Variants in ELMOD3 observed in about 807,000 individuals in gnomAD.
ELMOD3 encodes ELMO domain containing 3.
A neutral mutation model predicts 47.4 loss-of-function variants in ELMOD3; 36 were observed. That is an observed-to-expected ratio of 0.76 (90% CI 0.58 to 1.00). The LOEUF (loss-of-function observed/expected upper bound fraction) is 1.00, where lower values mean the gene tolerates loss of function less well. Among genes scored for constraint, ELMOD3 ranks in the 50% least tolerant of loss-of-function variants. ELMOD3 has a pLI of 0.00. For synonymous variants in ELMOD3, 149 were observed against 183.5 expected, an observed-to-expected ratio of 0.81 and a Z score of 1.52; for missense variants, 404 against 463.8, an observed-to-expected ratio of 0.87 and a Z score of 1.18.
chr2:85,371,670 G>A (rs1684797758), intron 10 of ELMOD3, 108 bp downstream of exon 10: 4 of 1,497,892 alleles, frequency 2.7e-6, no homozygotes, highest in Middle Eastern at 1.8e-4. Flanking sequence ...GATCTTGGGG[G>A]AGTATTCCGG....
chr2:85,364,825 A>ATTTT lies in ELMOD3; in HGVS notation c.199+1679_199+1682dup, dbSNP rs869054374. Among the ~76,000 whole-genome samples the ATTTT allele has an allele frequency of 5.8e-3, 404 of 69,894 alleles. 7 individuals are homozygous for ATTTT. The highest frequency in any genetic ancestry group is 8.0e-3 in the Admixed American group (43 of 5,344). The allele number at this position is 69,894 out of a possible 152,430, so 45.9% of individuals were successfully genotyped here. A position where few individuals can be genotyped will look rare whatever the true frequency, so the allele number is the denominator to read the frequency against. ...AATACATATATATATATATATATAT[A>ATTTT]TTTTTTTTTTTTTTTTTTTTTTTCT... On this transcript the variant is annotated intron_variant, in intron 6 of 13. Coordinates refer to ENST00000409013, the MANE Select transcript of ELMOD3 (RefSeq NM_001135022.2).
Position 85,377,373 on chromosome 2 carries a change from G to A in ELMOD3, c.637G>A (p.Ala213Thr), listed in dbSNP as rs767340376. Residue 213 changes from alanine to threonine, a missense_variant, in exon 11 of 14, where the codon GCA becomes ACA. Ala to Thr is a moderately conservative substitution (Grantham distance 58). Transcript: ENST00000409013. ...GAATCCAGCCACAGACCTGAGAGGC[G>A]CAGGCTTCCTTGCCCTCCTGCATCT... ...GANPATDLRG[A>T]GFLALLHLLY... 3.8e-5 allele frequency: 61 copies of A among 1,607,788 alleles called. No individual in the cohort carries two copies. Among genetic ancestry groups the A allele is most frequent in the East Asian group, 6.8e-5 (3 of 44,334 alleles).
At chr2:85,384,274 G>C (rs927352914) in intron 11 of ELMOD3, among the ~76,000 whole-genome samples, 6 of 152,214 alleles carry the variant, frequency 3.9e-5, no homozygotes, top group South Asian at 2.1e-4. Context: ...TTTCACAATA[G>C]AAACTTCAGC....
In ELMOD3 at chr2:85,377,341, C is replaced by T. The variant is rs757800236; in HGVS notation, c.608-3C>T. 1.9e-6 allele frequency: 3 copies of T among 1,594,124 alleles called. No homozygotes were observed. Among genetic ancestry groups the T allele is most frequent in the Non-Finnish European group, 2.6e-6 (3 of 1,170,904 alleles). ...CCCTGTTTCCTCACGGTCTCTGTTACAGGAGCGAATCCAGCCACAGACCTG... is the reference window on the plus strand; with the variant it reads ...CCCTGTTTCCTCACGGTCTCTGTTATAGGAGCGAATCCAGCCACAGACCTG... On this transcript the variant is annotated splice_region_variant and splice_polypyrimidine_tract_variant and intron_variant, in intron 10 of 13. Transcript: ENST00000409013.
At chr2:85,389,966 C>A in intron 12 of ELMOD3, 139 bp downstream of exon 12, 1 of 1,054,960 alleles carries the variant, frequency 9.5e-7, no homozygotes, top group Non-Finnish European at 1.5e-6. Flanking sequence ...CCGGTCTCCC[C>A]AGGACATCCC....
chr2:85,385,388 A>G (rs1685855352), intron 11 of ELMOD3, among the ~76,000 whole-genome samples: 1 of 151,928 alleles, frequency 6.6e-6, no homozygotes, highest in South Asian at 2.1e-4. Context: ...GGGCCATTTT[A>G]TAGGATTTGG....
chr2:85,372,294 C>G (rs1219327559), intron 10 of ELMOD3: 1 of 152,052 alleles, frequency 6.6e-6, no homozygotes, highest in East Asian at 1.9e-4. Context: ...GAACAGAGAT[C>G]GCACTACTGC....
At chr2:85,378,938 AT>A (rs1488021480) in intron 11 of ELMOD3, among the ~76,000 whole-genome samples, 1 of 152,216 alleles carries the variant, frequency 6.6e-6, no homozygotes, top group African/African-American at 2.4e-5. Flanking sequence ...TGAAGAGAAA[AT>A]ACGGGGAGGA....
In ELMOD3 at chr2:85,376,722, A is replaced by G. The variant is rs116960859; in HGVS notation, c.608-622A>G. On this transcript the variant is annotated intron_variant, in intron 10 of 13. Coordinates refer to ENST00000409013, the MANE Select transcript of ELMOD3 (RefSeq NM_001135022.2). This position sits in a 1 kb window ranked among gnomAD's most constrained non-coding sequence, Gnocchi z 4.2. ...GGTGTTTTGCTGCAGTAGGGTGGGT[A>G]TTGGCTAAAGCCTTCTGTCTTGCTA... Among the ~76,000 whole-genome samples the G allele has an allele frequency of 8.9e-3, 1,355 of 152,180 alleles. 22 individuals are homozygous for G. The highest frequency in any genetic ancestry group is 0.061 in the East Asian group (317 of 5,166).
At chr2:85,369,641 A>C in intron 7 of ELMOD3, 98 bp from the exon 8 acceptor site, 1 of 1,260,276 alleles carries the variant, frequency 7.9e-7, no homozygotes, top group Admixed American at 2.0e-5. Flanking sequence ...ACTGGAAGCC[A>C]GTGCTTGGCT....
chr2:85,390,417 C>G lies in ELMOD3; in HGVS notation c.943+152C>G, dbSNP rs73945728. 4.2e-3 allele frequency: 6,765 copies of G among 1,614,158 alleles called. 211 individuals are homozygous for G. In the African/African-American group the frequency reaches 0.075, roughly 18 times the overall value. On this transcript the variant is annotated intron_variant, in intron 13 of 13. Transcript: ENST00000409013. ...TTACCAAAATCTCCATCACCCACCC[C>G]CTGGAGTCTGCTAGTTCTCCTTTCT...
chr2:85,373,068 A>C (rs1200645561), intron 10 of ELMOD3, among the ~76,000 whole-genome samples: 1 of 152,040 alleles, frequency 6.6e-6, no homozygotes, highest in East Asian at 1.9e-4. Flanking sequence ...CAGCCTGGCC[A>C]ACATGGCGAA....
intron 11 of ELMOD3, among the ~76,000 whole-genome samples, chr2:85,382,475 C>T (rs116554226): frequency 0.049 from 7,396 of 150,208 alleles, 227 homozygotes; most frequent in Non-Finnish European, 0.066. Context: ...CACGGTGTTC[C>T]TTTTAGACCC....
intron 6 of ELMOD3, among the ~76,000 whole-genome samples, chr2:85,364,823 ATATT>A (rs1350674306): frequency 6.9e-5 from 6 of 87,020 alleles, no homozygotes; most frequent in African/African-American, 3.5e-4. Flanking sequence ...ATATATATAT[ATATT>A]TTTTTTTTTT....
At chr2:85,366,045 G>A (rs1198741422) in intron 6 of ELMOD3, among the ~76,000 whole-genome samples, 3 of 151,180 alleles carry the variant, frequency 2.0e-5, no homozygotes, top group African/African-American at 4.9e-5. Flanking sequence ...TGCAACCTCC[G>A]CCTCCCGAGT....
At chr2:85,383,220 C>T (rs887552475) in intron 11 of ELMOD3, among the ~76,000 whole-genome samples, 21 of 151,740 alleles carry the variant, frequency 1.4e-4, no homozygotes, top group African/African-American at 4.8e-4. Flanking sequence ...CCTCCACCTC[C>T]CAGGTTCAAG....
chr2:85,384,790 A>T (rs1685819496), intron 11 of ELMOD3, among the ~76,000 whole-genome samples: 3 of 151,950 alleles, frequency 2.0e-5, no homozygotes, highest in Non-Finnish European at 4.4e-5. Context: ...AACAAATTTG[A>T]CCTGTTTCCT....
chr2:85,370,944 C>A, intron 8 of ELMOD3, 142 bp from the exon 9 acceptor site: 1 of 946,146 alleles, frequency 1.1e-6, no homozygotes, highest in Non-Finnish European at 1.6e-6. Context: ...GCAGCTTCTG[C>A]CTCCTTCCCT....
At chr2:85,366,831 T>C (rs922039331) in intron 6 of ELMOD3, among the ~76,000 whole-genome samples, 27 of 152,334 alleles carry the variant, frequency 1.8e-4, no homozygotes, top group Middle Eastern at 3.4e-3. Context: ...TCAGCCAAGA[T>C]TGTGAGGCAG....
Sources: allele counts gnomAD v4.1 joint callset (sites outside exome capture counted in the v4.1 genomes callset), GRCh38; gene constraint gnomAD v4.1.1; non-coding constraint Gnocchi (gnomAD v3.1); transcripts MANE v1.5; gene names NCBI Gene and HGNC (gene_info 2026-07-23, HGNC 2026-07-21).